DMD: variants seen among roughly 807,000 people sequenced by gnomAD.
DMD encodes dystrophin, also known as mutant dystrophin.
A neutral mutation model predicts 330.1 loss-of-function variants in DMD; 63 were observed. The ratio of observed to expected loss-of-function variants is 0.19; its 90% CI spans 0.16 to 0.24. The LOEUF (loss-of-function observed/expected upper bound fraction) is 0.24. Among genes scored for constraint, DMD ranks in the 10% least tolerant of loss-of-function variants. The pLI is 1.00. For synonymous variants in DMD, 1,223 were observed against 959.8 expected (o/e 1.27, Z -5.07); for missense variants, 3,344 against 2,684.1 (o/e 1.25, Z -5.43).
intron 43 of DMD, among the ~76,000 whole-genome samples, chrX:32,252,715 AATATATATAAATATATAAATAT>A (rs2097272540): frequency 2.9e-5 from 1 of 34,182 alleles, no homozygotes; most frequent in Non-Finnish European, 4.8e-5. Flanking sequence ...TAAATATATA[AATATATATAAATATATAAATAT>A]ATATATAAAT....
chrX:31,238,851 A>G (rs2147274179), intron 63 of DMD, among the ~76,000 whole-genome samples: 1 of 111,992 alleles, frequency 8.9e-6, no homozygotes, highest in Admixed American at 9.5e-5. Context: ...CCCTTGCACA[A>G]GGACCACAGG....
chrX:31,399,981 TTAA>T (rs2061116512), intron 60 of DMD, among the ~76,000 whole-genome samples: 1 of 112,071 alleles, frequency 8.9e-6, no homozygotes, highest in Admixed American at 9.4e-5. Context: ...AATGACATCA[TTAA>T]TAAAGAAAGT....
At chrX:31,202,496 A>G (rs1206780647) in intron 67 of DMD, among the ~76,000 whole-genome samples, 1 of 107,374 alleles carries the variant, frequency 9.3e-6, no homozygotes, top group Non-Finnish European at 1.9e-5. Context: ...CCCACTTTAC[A>G]TAAATGAACT....
chrX:31,869,220 T>C (rs1045359664), intron 48 of DMD, among the ~76,000 whole-genome samples: 4 of 111,011 alleles, frequency 3.6e-5, no homozygotes, highest in African/African-American at 1.3e-4. Context: ...TAAATTACCA[T>C]TTTTGCTACC....
At chrX:31,172,946 T>TTTTG (rs748465238) in intron 72 of DMD, among the ~76,000 whole-genome samples, 5 of 111,902 alleles carry the variant, frequency 4.5e-5, no homozygotes, top group East Asian at 2.8e-4. Flanking sequence ...ACAGGGGGTT[T>TTTTG]TTTGTTTGTT....
chrX:31,639,391 C>T (rs964717020), intron 54 of DMD, among the ~76,000 whole-genome samples: 3 of 111,857 alleles, frequency 2.7e-5, no homozygotes, highest in Non-Finnish European at 5.6e-5. Flanking sequence ...AAACCTGGAA[C>T]GTAACTCAAT....
At chrX:31,441,954 T>C (rs757799464) in intron 60 of DMD, among the ~76,000 whole-genome samples, 2 of 112,254 alleles carry the variant, frequency 1.8e-5, no homozygotes, top group Non-Finnish European at 3.8e-5. Flanking sequence ...AAAAACACTT[T>C]TTAAGCATAT....
At chrX:31,702,473 A>C (rs2083880820) in intron 52 of DMD, among the ~76,000 whole-genome samples, 1 of 111,627 alleles carries the variant, frequency 9.0e-6, no homozygotes, top group Non-Finnish European at 1.9e-5. Flanking sequence ...AAACATGCAA[A>C]TTATCCTTCA....
intron 1 of DMD, among the ~76,000 whole-genome samples, chrX:33,256,327 C>T (rs1200043365): frequency 9.1e-6 from 1 of 110,406 alleles, no homozygotes; most frequent in East Asian, 2.8e-4. Context: ...GTATAATAGA[C>T]AATTCCTAAT....
chrX:31,724,258 C>G (rs921728876), intron 52 of DMD, among the ~76,000 whole-genome samples: 1 of 112,510 alleles, frequency 8.9e-6, no homozygotes, highest in African/African-American at 3.2e-5. Context: ...TCATTAGCAA[C>G]AGAGATTTCA....
At chrX:32,639,708 T>C (rs778203648) in intron 11 of DMD, among the ~76,000 whole-genome samples, 1 of 111,998 alleles carries the variant, frequency 8.9e-6, no homozygotes, top group African/African-American at 3.2e-5. Context: ...AAGGAGGAAG[T>C]ATCTGTATGG....
chrX:31,757,996 C>T (rs984324289), intron 51 of DMD, among the ~76,000 whole-genome samples: 5 of 110,150 alleles, frequency 4.5e-5, no homozygotes, highest in African/African-American at 1.7e-4. Context: ...ACTAAGACTG[C>T]GTCAGAGCTC....
At chrX:33,334,966 G>T (rs1418386861) in intron 1 of DMD, among the ~76,000 whole-genome samples, 5 of 111,247 alleles carry the variant, frequency 4.5e-5, no homozygotes, top group Non-Finnish European at 9.5e-5. Flanking sequence ...TTAACTGGAA[G>T]AATACTTTTC....
At chrX:31,711,271 T>A (rs776074780) in intron 52 of DMD, among the ~76,000 whole-genome samples, 16 of 111,085 alleles carry the variant, frequency 1.4e-4, no homozygotes, top group African/African-American at 5.2e-4. Context: ...GCTGAAAACA[T>A]ACATCTGCTA....
intron 1 of DMD, among the ~76,000 whole-genome samples, chrX:33,318,595 C>G (rs1204996446): frequency 3.7e-5 from 4 of 107,700 alleles, no homozygotes; most frequent in African/African-American, 1.4e-4. Flanking sequence ...CCATGCCCAG[C>G]AAAATTTTTT....
chrX:33,096,440 G>C (rs1471884015), intron 1 of DMD, among the ~76,000 whole-genome samples: 2 of 110,130 alleles, frequency 1.8e-5, no homozygotes, highest in Non-Finnish European at 3.8e-5. Flanking sequence ...AAATCTATAA[G>C]TTAAAATGTT....
rs2148222994 is a variant in DMD at position 32,441,315 on chromosome X, C to A, written c.3787-1G>T. ...ACTCATGCCAACATGCCCAAACTTC[C>A]TAAGAAAGAAATATATATCACAGAT... On this transcript the variant is annotated splice_acceptor_variant, in intron 27 of 78. Coordinates refer to ENST00000357033, the MANE Select transcript of DMD (RefSeq NM_004006.3). LOFTEE classifies it high-confidence loss of function. 1 of 1,204,362 alleles carries A rather than the reference C, an allele frequency of 8.3e-7. No individual in the cohort carries two copies. The highest frequency in any genetic ancestry group is 3.0e-5 in the East Asian group (1 of 33,652).
Position 32,539,172 on chromosome X carries a change from CTTTTT to C in DMD, c.2168+5982_2168+5986del, listed in dbSNP as rs71980872. Among the ~76,000 whole-genome samples the C allele has an allele frequency of 4.7e-3, 445 of 95,426 alleles. 4 individuals carry two copies. Among genetic ancestry groups the C allele is most frequent in the African/African-American group, 0.016 (422 of 26,253 alleles). 82.9% of individuals were successfully genotyped at this position (95,426 alleles called of 115,157 possible). On this transcript the variant is annotated intron_variant, in intron 17 of 78. Coordinates refer to ENST00000357033, the MANE Select transcript of DMD (RefSeq NM_004006.3). ...AAGATGGTATGCAAGATTTCTATTTCTTTTTTTTTTTTTTTTAACAAAAAATAGTG... is the reference window on the plus strand; with the variant it reads ...AAGATGGTATGCAAGATTTCTATTTCTTTTTTTTTTTAACAAAAAATAGTG...
chrX:31,248,799 C>T (rs1171064891), intron 63 of DMD, among the ~76,000 whole-genome samples: 1 of 111,478 alleles, frequency 9.0e-6, no homozygotes, highest in Non-Finnish European at 1.9e-5. Context: ...TTCATTCTAC[C>T]TCCGGCAATA....
Sources: allele counts gnomAD v4.1 joint callset (sites outside exome capture counted in the v4.1 genomes callset), GRCh38; gene constraint gnomAD v4.1.1; transcripts MANE v1.5; gene names NCBI Gene and HGNC (gene_info 2026-07-23, HGNC 2026-07-21).